The following GULP1 variants were observed in gnomAD, a reference collection of about 807,000 sequenced individuals.
GULP1 encodes PTB domain-containing engulfment adapter protein 1.
In GULP1, 19 loss-of-function variants were observed where a neutral mutation model predicts 40.9. The ratio of observed to expected loss-of-function variants is 0.46; its 90% CI spans 0.32 to 0.68. The LOEUF (loss-of-function observed/expected upper bound fraction) is 0.68, where lower values mean the gene tolerates loss of function less well. GULP1 is among the 30% of genes least tolerant of loss of function. The pLI is 0.03. For missense variants in GULP1, 312 were observed against 362.2 expected, an observed-to-expected ratio of 0.86 and a Z score of 1.12; for synonymous variants, 119 against 117.6, an observed-to-expected ratio of 1.01 and a Z score of -0.08.
At chr2:188,557,810 A>G (rs1695179512) in intron 7 of GULP1, among the ~76,000 whole-genome samples, 1 of 152,192 alleles carries the variant, frequency 6.6e-6, no homozygotes, top group African/African-American at 2.4e-5. Context: ...CAGGCTTAAC[A>G]CCATGTGGAA....
At chr2:188,485,295 A>G (rs967675627) in intron 4 of GULP1, among the ~76,000 whole-genome samples, 1 of 152,026 alleles carries the variant, frequency 6.6e-6, no homozygotes, top group Non-Finnish European at 1.5e-5. Flanking sequence ...GGTGCATAAC[A>G]ATTTTAAGAC....
chr2:188,591,397 T>A (rs879529252), intron 11 of GULP1: 3 of 152,034 alleles, frequency 2.0e-5, no homozygotes, highest in Admixed American at 6.6e-5. Flanking sequence ...ATACTTTTAT[T>A]TCTGTTTGAT....
chr2:188,325,826 T>C (rs2040678993), intron 1 of GULP1, among the ~76,000 whole-genome samples: 1 of 152,232 alleles, frequency 6.6e-6, no homozygotes, highest in Admixed American at 6.5e-5. Flanking sequence ...AGTCTGAAAA[T>C]TATGTAATGA....
chr2:188,308,144 G>A (rs1004496474), intron 1 of GULP1, among the ~76,000 whole-genome samples: 1 of 146,972 alleles, frequency 6.8e-6, no homozygotes, highest in Non-Finnish European at 1.5e-5. Flanking sequence ...GCCTGCATTA[G>A]CATCCACATG....
At chr2:188,327,893 A>G (rs1163085583) in intron 1 of GULP1, among the ~76,000 whole-genome samples, 1 of 152,182 alleles carries the variant, frequency 6.6e-6, no homozygotes, top group Non-Finnish European at 1.5e-5. Context: ...AGTTCAGTGT[A>G]TAATGAAGTT....
intron 2 of GULP1, among the ~76,000 whole-genome samples, chr2:188,412,780 G>A (rs1335741588): frequency 6.6e-6 from 1 of 152,060 alleles, no homozygotes; most frequent in Non-Finnish European, 1.5e-5. Flanking sequence ...TAACAAGTAG[G>A]TATGATTTCA....
intron 1 of GULP1, among the ~76,000 whole-genome samples, chr2:188,361,760 G>A (rs187479357): frequency 1.1e-4 from 17 of 152,114 alleles, no homozygotes; most frequent in African/African-American, 4.1e-4. Flanking sequence ...GCAGCTTAAT[G>A]CTTACCATGC....
At chr2:188,544,915 T>C (rs981068821) in intron 7 of GULP1, among the ~76,000 whole-genome samples, 2 of 152,026 alleles carry the variant, frequency 1.3e-5, no homozygotes, top group African/African-American at 4.8e-5. Flanking sequence ...TTAATCCAAG[T>C]AACTCCATAC....
intron 4 of GULP1, among the ~76,000 whole-genome samples, chr2:188,484,161 GC>G (rs1156946759): frequency 1.3e-5 from 2 of 152,038 alleles, no homozygotes; most frequent in Admixed American, 1.3e-4. Flanking sequence ...ACCTGCCTCA[GC>G]CCCCCAAAGT....
At chr2:188,413,575 A>G (rs1174747718) in intron 2 of GULP1, among the ~76,000 whole-genome samples, 1 of 152,106 alleles carries the variant, frequency 6.6e-6, no homozygotes, top group Non-Finnish European at 1.5e-5. Flanking sequence ...GTCTTTGTAT[A>G]TATCTTAAGT....
chr2:188,325,047 A>G (rs1281048643), intron 1 of GULP1, among the ~76,000 whole-genome samples: 3 of 151,978 alleles, frequency 2.0e-5, no homozygotes, highest in African/African-American at 7.2e-5. Context: ...ACACCCACAC[A>G]AAAGAAGTGT....
chr2:188,530,599 G>C (rs1023451168), intron 6 of GULP1, among the ~76,000 whole-genome samples: 7 of 152,064 alleles, frequency 4.6e-5, no homozygotes. Context: ...CCAGGGATAC[G>C]TACACTCAGA....
At chr2:188,487,129 A>G (rs2061933018) in intron 4 of GULP1, among the ~76,000 whole-genome samples, 1 of 152,032 alleles carries the variant, frequency 6.6e-6, no homozygotes, top group South Asian at 2.1e-4. Context: ...TCTCTTTTCT[A>G]TAAAGATAAA....
At chr2:188,323,026 A>C (rs1407929111) in intron 1 of GULP1, among the ~76,000 whole-genome samples, 1 of 151,976 alleles carries the variant, frequency 6.6e-6, no homozygotes, top group Non-Finnish European at 1.5e-5. Flanking sequence ...CTGGACAATC[A>C]CTGCATCCTT....
At chr2:188,450,812 GAGT>G (rs938996133) in intron 2 of GULP1, among the ~76,000 whole-genome samples, 2 of 152,142 alleles carry the variant, frequency 1.3e-5, no homozygotes, top group African/African-American at 4.8e-5. Context: ...ACAGAAGCAA[GAGT>G]AGGATTACTC....
chr2:188,360,834 GA>G (rs1445650747), intron 1 of GULP1, among the ~76,000 whole-genome samples: 1 of 152,036 alleles, frequency 6.6e-6, no homozygotes, highest in African/African-American at 2.4e-5. Context: ...TTTATTATCT[GA>G]TTTTAAGAAT....
intron 5 of GULP1, among the ~76,000 whole-genome samples, chr2:188,526,835 AT>A (rs1686281964): frequency 6.6e-6 from 1 of 152,162 alleles, no homozygotes; most frequent in African/African-American, 2.4e-5. Context: ...ACTAGGCCTA[AT>A]TCCTAAAAAC....
intron 4 of GULP1, among the ~76,000 whole-genome samples, chr2:188,504,557 G>C (rs1383495152): frequency 6.6e-6 from 1 of 151,794 alleles, no homozygotes; most frequent in African/African-American, 2.4e-5. Flanking sequence ...AGAGTAATAG[G>C]TATTTCTCCA....
chr2:188,353,981 C>T lies in GULP1; in HGVS notation c.-171-29782C>T, dbSNP rs547260004. 2.0e-5 allele frequency among the ~76,000 whole-genome samples: 3 copies of T among 152,142 alleles called. No homozygotes were observed. The East Asian group carries it at 5.8e-4, about 30-fold the overall frequency. Reference sequence around the variant, plus strand: ...AAACAGTGCAGTGGATGAACTGAGACACCCTATCCTACAGGACAAGCAGTT... The same window carrying T: ...AAACAGTGCAGTGGATGAACTGAGATACCCTATCCTACAGGACAAGCAGTT... On this transcript the variant is annotated intron_variant, in intron 1 of 11. Coordinates refer to ENST00000409830, the MANE Select transcript of GULP1 (RefSeq NM_016315.4).
Sources: allele counts gnomAD v4.1 joint callset (sites outside exome capture counted in the v4.1 genomes callset), GRCh38; gene constraint gnomAD v4.1.1; transcripts MANE v1.5; gene names NCBI Gene and HGNC (gene_info 2026-07-23, HGNC 2026-07-21).